AGPAT5: variants seen among roughly 807,000 people sequenced by gnomAD.
The protein encoded by AGPAT5 is 1-acylglycerol-3-phosphate O-acyltransferase 5, also known as 1-acyl-sn-glycerol-3-phosphate acyltransferase epsilon.
A neutral mutation model predicts 45.6 loss-of-function variants in AGPAT5; 46 were observed. That is an observed-to-expected ratio of 1.01 (90% confidence interval 0.80 to 1.29). The LOEUF (loss-of-function observed/expected upper bound fraction) is 1.29, where lower values mean the gene tolerates loss of function less well. Among genes scored for constraint, AGPAT5 ranks in the 50% most tolerant of loss-of-function variants. The pLI is 0.00. For missense variants in AGPAT5, 673 were observed against 450.7 expected (o/e 1.49, Z -4.47); for synonymous variants, 272 against 167.0 (o/e 1.63, Z -4.85).
chr8:6,757,413 G>A lies in AGPAT5; in HGVS notation c.*25G>A. ...GACAAGTAGCTGTCTCCAGACAGTGGGATGTGCTACATTGTCTATTTTTGG... is the reference window on the plus strand; with the variant it reads ...GACAAGTAGCTGTCTCCAGACAGTGAGATGTGCTACATTGTCTATTTTTGG... On this transcript the variant is annotated 3_prime_UTR_variant, in exon 8 of 8. Coordinates refer to ENST00000285518, the MANE Select transcript of AGPAT5 (RefSeq NM_018361.5). The A allele has an allele frequency of 6.3e-7, 1 of 1,586,668 alleles. No homozygotes were observed. Among genetic ancestry groups the A allele is most frequent in the South Asian group, 1.1e-5 (1 of 90,272 alleles).
intron 5 of AGPAT5, among the ~76,000 whole-genome samples, chr8:6,747,307 G>A (rs28722756): frequency 0.02 from 3,041 of 152,250 alleles, 103 homozygotes; most frequent in African/African-American, 0.069. Flanking sequence ...GTATTTCTAG[G>A]AAATCTTGAG....
At chr8:6,736,396 T>C (rs1455017921) in intron 4 of AGPAT5, among the ~76,000 whole-genome samples, 1 of 152,234 alleles carries the variant, frequency 6.6e-6, no homozygotes, top group African/African-American at 2.4e-5. Context: ...TGTGTGGTTT[T>C]TGTCAAATCT....
chr8:6,736,611 A>C (rs1801060769), intron 4 of AGPAT5, among the ~76,000 whole-genome samples: 1 of 152,170 alleles, frequency 6.6e-6, no homozygotes, highest in African/African-American at 2.4e-5. Context: ...TTATTTGTGG[A>C]AATCAGTTGA....
intron 6 of AGPAT5, among the ~76,000 whole-genome samples, chr8:6,751,581 G>A (rs1801654854): frequency 6.6e-6 from 1 of 152,162 alleles, no homozygotes. Context: ...CCCGTTTTAT[G>A]GTGTAAGTTT....
intron 6 of AGPAT5, among the ~76,000 whole-genome samples, chr8:6,750,571 G>A (rs1182161344): frequency 6.6e-6 from 1 of 152,170 alleles, no homozygotes; most frequent in African/African-American, 2.4e-5. Flanking sequence ...TCATAGAAAA[G>A]GGGTCATTTC....
chr8:6,718,694 G>A (rs1274950272), intron 1 of AGPAT5, among the ~76,000 whole-genome samples: 1 of 152,192 alleles, frequency 6.6e-6, no homozygotes, highest in Non-Finnish European at 1.5e-5. Context: ...AGATTGCCCT[G>A]TTCTTATGAT....
intron 5 of AGPAT5, among the ~76,000 whole-genome samples, chr8:6,743,406 C>T (rs191000916): frequency 6.6e-6 from 1 of 152,334 alleles, no homozygotes; most frequent in East Asian, 1.9e-4. Context: ...AAAAGGATGT[C>T]TCAAACTCAG....
intron 1 of AGPAT5, among the ~76,000 whole-genome samples, chr8:6,716,648 A>T (rs1800341081): frequency 6.6e-6 from 1 of 152,124 alleles, no homozygotes; most frequent in Admixed American, 6.5e-5. Flanking sequence ...AGCCTGACCA[A>T]CATGGAGAAA....
intron 2 of AGPAT5, among the ~76,000 whole-genome samples, chr8:6,729,145 T>A (rs1373389212): frequency 6.6e-6 from 1 of 152,222 alleles, no homozygotes; most frequent in Non-Finnish European, 1.5e-5. Context: ...TGTATAATAA[T>A]GGATAAGAGA....
At chr8:6,711,185 A>G (rs975167569) in intron 1 of AGPAT5, among the ~76,000 whole-genome samples, 5 of 152,362 alleles carry the variant, frequency 3.3e-5, no homozygotes, top group East Asian at 1.9e-4. Context: ...TTTCTTTTAC[A>G]TAGAATTTTT....
chr8:6,724,964 A>G (rs2980686), intron 2 of AGPAT5, 25 bp downstream of exon 2: 2 of 1,007,448 alleles, frequency 2.0e-6, no homozygotes, highest in Non-Finnish European at 2.6e-6. Flanking sequence ...TGCATGAAAC[A>G]TAGGTTTTTC....
chr8:6,756,664 C>T (rs7013810), intron 7 of AGPAT5, among the ~76,000 whole-genome samples: 1,742 of 149,440 alleles, frequency 0.012, 29 homozygotes, highest in African/African-American at 0.041. Context: ...TATTCAAATA[C>T]ATGCCATTTT....
chr8:6,751,400 G>T (rs911588632), intron 6 of AGPAT5, among the ~76,000 whole-genome samples: 4 of 152,342 alleles, frequency 2.6e-5, no homozygotes, highest in Non-Finnish European at 5.9e-5. Flanking sequence ...TGCAGTGATT[G>T]TTGAACATGC....
chr8:6,732,904 C>T (rs1380772395), intron 4 of AGPAT5, among the ~76,000 whole-genome samples: 4 of 152,276 alleles, frequency 2.6e-5, no homozygotes, highest in Middle Eastern at 3.4e-3. Context: ...CATTTGGTGT[C>T]GTTCAGAGTC....
Position 6,732,164 on chromosome 8 carries a change from C to G in AGPAT5, c.406-397C>G, listed in dbSNP as rs559827733. ...TTAGCAGGATTGATTTTTTAAAATCCCTAAAGATCGTGAGACATGTTAAGG... is the reference window on the plus strand; with the variant it reads ...TTAGCAGGATTGATTTTTTAAAATCGCTAAAGATCGTGAGACATGTTAAGG... On this transcript the variant is annotated intron_variant, in intron 3 of 7. Coordinates refer to ENST00000285518, the MANE Select transcript of AGPAT5 (RefSeq NM_018361.5). 4.3e-5 allele frequency among the ~76,000 whole-genome samples: 4 copies of G among 93,920 alleles called. No individual in the cohort carries two copies. In the East Asian group the frequency reaches 9.0e-4, roughly 21 times the overall value. The allele number at this position is 93,920 out of a possible 152,430, so 61.6% of individuals were successfully genotyped here.
Position 6,759,154 on chromosome 8 carries a change from C to A in AGPAT5, c.*1766C>A, listed in dbSNP as rs879263700. ...ATGCTGAATTGTAATTTTCTCTTAC[C>A]TGTAAAGTAAAATTTAGATCAATTC... On this transcript the variant is annotated 3_prime_UTR_variant, in exon 8 of 8. Transcript: ENST00000285518. 9 of 152,238 alleles carry A rather than the reference C, an allele frequency of 5.9e-5. No individual in the cohort carries two copies. The highest frequency in any genetic ancestry group is 5.2e-4 in the Admixed American group (8 of 15,296). 9.4% of individuals were successfully genotyped at this position (152,238 alleles called of 1,614,324 possible).
At chr8:6,754,077 C>T (rs1314499440) in intron 6 of AGPAT5, among the ~76,000 whole-genome samples, 1 of 152,210 alleles carries the variant, frequency 6.6e-6, no homozygotes, top group Admixed American at 6.5e-5. Flanking sequence ...CGGCATACCT[C>T]CCTACCTTAG....
chr8:6,754,312 A>T (rs143012725), intron 6 of AGPAT5, among the ~76,000 whole-genome samples: 7 of 152,224 alleles, frequency 4.6e-5, no homozygotes, highest in Non-Finnish European at 1.0e-4. Context: ...TACAGGGCTC[A>T]TGGCTATTCC....
At chr8:6,718,085 G>A (rs1161447033) in intron 1 of AGPAT5, among the ~76,000 whole-genome samples, 2 of 152,120 alleles carry the variant, frequency 1.3e-5, no homozygotes, top group Non-Finnish European at 1.5e-5. Context: ...GAGATAATAC[G>A]TGAAACTGCC....
Sources: allele counts gnomAD v4.1 joint callset (sites outside exome capture counted in the v4.1 genomes callset), GRCh38; gene constraint gnomAD v4.1.1; transcripts MANE v1.5; gene names NCBI Gene and HGNC (gene_info 2026-07-23, HGNC 2026-07-21).